Variants in MYCBPAP observed in about 807,000 individuals in gnomAD.
MYCBPAP encodes the protein MYCBP associated protein.
A neutral mutation model predicts 106.1 loss-of-function variants in MYCBPAP; 60 were observed. That is an observed-to-expected ratio of 0.57 (90% CI 0.46 to 0.70). MYCBPAP has a LOEUF of 0.70. Among genes scored for constraint, MYCBPAP ranks in the 30% least tolerant of loss-of-function variants. The pLI, the probability that MYCBPAP is intolerant of heterozygous loss-of-function variation, is 0.00. For missense variants in MYCBPAP, 1,064 were observed against 1,169.3 expected (o/e 0.91, Z 1.31); for synonymous variants, 407 against 440.6 (o/e 0.92, Z 0.95).
chr17:50,518,399 C>T, intron 4 of MYCBPAP, 142 bp from the exon 5 acceptor site: 2 of 627,784 alleles, frequency 3.2e-6, no homozygotes, highest in Non-Finnish European at 5.1e-6. Context: ...TATTTTCTGT[C>T]ACTGGCTACT....
chr17:50,508,582 C>T lies in MYCBPAP; in HGVS notation c.-93C>T, dbSNP rs770658579. On this transcript the variant is annotated 5_prime_UTR_variant, in exon 1 of 19. The change creates a new upstream start codon in the 5' untranslated region. Coordinates refer to ENST00000323776, the MANE Select transcript of MYCBPAP (RefSeq NM_032133.6). ...CGCGCGGGGCACCGGTTGCTGTGGA[C>T]GCAGTGGCGGCCGTTGGCTGGCGGG... The T allele has an allele frequency of 2.6e-6, 4 of 1,553,626 alleles. No individual in the cohort carries two copies. The highest frequency in any genetic ancestry group is 3.5e-6 in the Non-Finnish European group (4 of 1,148,032).
chr17:50,526,100 T>A lies in MYCBPAP; in HGVS notation c.2002T>A (p.Ser668Thr), dbSNP rs1555621752. The A allele has an allele frequency of 6.2e-7, 1 of 1,613,830 alleles. No homozygotes were observed. Among genetic ancestry groups the A allele is most frequent in the Admixed American group, 1.7e-5 (1 of 60,008 alleles). ...PRPENEALRE[S>T]GSQKARVGTK... ...GCCTGAGAACGAGGCCCTCAGGGAA[T>A]CCGGGTCCCAGAAGGCCAGAGTGGG... The change falls in exon 14 of 19, where the codon TCC becomes ACC. Residue 668 changes from serine (S) to threonine (T), a missense_variant. Coordinates refer to ENST00000323776, the MANE Select transcript of MYCBPAP (RefSeq NM_032133.6).
intron 1 of MYCBPAP, among the ~76,000 whole-genome samples, chr17:50,512,516 T>C (rs2033891830): frequency 6.6e-6 from 1 of 152,200 alleles, no homozygotes; most frequent in Non-Finnish European, 1.5e-5. Context: ...TGGAGCCACC[T>C]CTGCAGCTGT....
chr17:50,514,153 T>C (rs942126549), intron 1 of MYCBPAP, among the ~76,000 whole-genome samples: 5 of 152,172 alleles, frequency 3.3e-5, no homozygotes, highest in African/African-American at 2.4e-5. Flanking sequence ...CCTCTCAAAG[T>C]GTTGGGATTA....
intron 15 of MYCBPAP, among the ~76,000 whole-genome samples, chr17:50,527,746 CT>C (rs1162946632): frequency 6.6e-6 from 1 of 152,210 alleles, no homozygotes; most frequent in Non-Finnish European, 1.5e-5. Context: ...TCACCCTCCC[CT>C]GTACCTGTTT....
rs1339492839 is a variant in MYCBPAP at position 50,523,703 on chromosome 17, A to G, written c.1554A>G (p.Leu518=). The G allele has an allele frequency of 6.2e-7, 1 of 1,614,114 alleles. No homozygotes were observed. The highest frequency in any genetic ancestry group is 1.1e-5 in the South Asian group (1 of 91,086). The stretch of plus-strand genomic sequence containing the variant: ...AGTTTCGAACCCATCCTACTCTATT[A>G]GGAGGTGCTATACTGCAGGTCAATC... ...FWEFRTHPTL[L]GGAILQVNLH... is the part of the protein sequence containing the mutation. Residue 518 remains leucine (L), a synonymous_variant, in exon 12 of 19, where the codon TTA becomes TTG. Coordinates refer to ENST00000323776, the MANE Select transcript of MYCBPAP (RefSeq NM_032133.6).
At chr17:50,526,982 T>C (rs1567895824) in intron 14 of MYCBPAP, among the ~76,000 whole-genome samples, 1 of 152,242 alleles carries the variant, frequency 6.6e-6, no homozygotes, top group Non-Finnish European at 1.5e-5. Context: ...CCCAAAGTGC[T>C]GGGATTATAG....
intron 13 of MYCBPAP, among the ~76,000 whole-genome samples, chr17:50,525,563 T>G (rs1350929825): frequency 6.6e-6 from 1 of 151,904 alleles, no homozygotes; most frequent in Non-Finnish European, 1.5e-5. Context: ...CATAGCTCAT[T>G]GTGACCTCAA....
intron 7 of MYCBPAP, 96 bp downstream of exon 7, chr17:50,519,883 C>G: frequency 7.3e-7 from 1 of 1,371,674 alleles, no homozygotes; most frequent in Non-Finnish European, 9.8e-7. Context: ...GTGAAACAGG[C>G]CCAGGGCCTG....
intron 10 of MYCBPAP, chr17:50,522,709 A>AAAAAAATATATATATATAT: frequency 1.0e-4 from 5 of 50,026 alleles, no homozygotes; most frequent in African/African-American, 4.8e-4. Flanking sequence ...AAAAAAAAAA[A>AAAAAAATATATATATATAT]ATATATATAT....
chr17:50,526,319 C>A, intron 14 of MYCBPAP, 52 bp downstream of exon 14: 1 of 1,516,282 alleles, frequency 6.6e-7, no homozygotes, highest in Non-Finnish European at 8.8e-7. Flanking sequence ...TGCCTCGAAC[C>A]AACAAGGGAG....
chr17:50,528,928 C>A, intron 17 of MYCBPAP, 88 bp downstream of exon 17: 1 of 1,595,298 alleles, frequency 6.3e-7, no homozygotes, highest in South Asian at 1.1e-5. Flanking sequence ...TGGGCATGTG[C>A]CCAGGCTCTC....
rs200850812 is a variant in MYCBPAP at position 50,525,035 on chromosome 17, C to A, written c.1782+12C>A. The A allele has an allele frequency of 1.2e-6, 2 of 1,608,294 alleles. No homozygotes were observed. The highest frequency in any genetic ancestry group is 1.7e-6 in the Non-Finnish European group (2 of 1,176,256). On this transcript the variant is annotated intron_variant, in intron 13 of 18. Transcript: ENST00000323776. ...ACAGAAATCCTCCGGTGAGGCCCAGCGCCAGCCCCTGCCCCCTCATGTGTG... is the reference window on the plus strand; with the variant it reads ...ACAGAAATCCTCCGGTGAGGCCCAGAGCCAGCCCCTGCCCCCTCATGTGTG...
chr17:50,530,420 G>A lies in MYCBPAP; in HGVS notation c.2725-907G>A, dbSNP rs141579807. On this transcript the variant is annotated intron_variant, in intron 18 of 18. Transcript: ENST00000323776. ...TGAGGCACAATAATCGCTTGAACCC[G>A]GGAAGTGGAGGTTGCAGTGAGCCGA... 30 of 180,078 alleles carry A rather than the reference G, an allele frequency of 1.7e-4. 1 individual carries two copies. In the East Asian group the frequency reaches 4.8e-3, roughly 29 times the overall value. 11.2% of individuals were successfully genotyped at this position (180,078 alleles called of 1,614,324 possible). A position where few individuals can be genotyped will look rare whatever the true frequency, so the allele number is the denominator to read the frequency against.
intron 12 of MYCBPAP, 142 bp from the exon 13 acceptor site, chr17:50,524,735 T>TGAGAGA (rs1023452414): frequency 6.1e-4 from 145 of 238,134 alleles, no homozygotes; most frequent in Middle Eastern, 1.0e-3. Flanking sequence ...TGTGTGTGTG[T>TGAGAGA]GTGAGAGAGA....
chr17:50,510,692 A>AT (rs56894700), intron 1 of MYCBPAP, among the ~76,000 whole-genome samples: 34,713 of 111,156 alleles, frequency 0.31, 8,088 homozygotes, highest in African/African-American at 0.59. Context: ...TGCCTGGCAA[A>AT]TTTTTTTTTT....
At chr17:50,515,556 T>A (rs1295668609) in intron 1 of MYCBPAP, among the ~76,000 whole-genome samples, 4 of 152,180 alleles carry the variant, frequency 2.6e-5, no homozygotes, top group African/African-American at 9.7e-5. Flanking sequence ...TCTAGTTCAG[T>A]TGTCCCAAAC....
In MYCBPAP at chr17:50,511,915, A is replaced by T. The variant is rs1294237728; in HGVS notation, c.76+3165A>T. On this transcript the variant is annotated intron_variant, in intron 1 of 18. Transcript: ENST00000323776. The stretch of plus-strand genomic sequence containing the variant: ...TCTGGCTCTCTTCATCTGATGAATC[A>T]TTCTGAAATGCACCTGTCATCAACT... Among the ~76,000 whole-genome samples, 3 of 152,040 alleles carry T rather than the reference A, an allele frequency of 2.0e-5. No individual in the cohort carries two copies. The East Asian group carries it at 5.8e-4, about 29-fold the overall frequency.
At chr17:50,511,838 T>C (rs2033860308) in intron 1 of MYCBPAP, among the ~76,000 whole-genome samples, 1 of 152,094 alleles carries the variant, frequency 6.6e-6, no homozygotes, top group Non-Finnish European at 1.5e-5. Flanking sequence ...AAATGATCCC[T>C]GGGGCTCTTC....
Sources: gnomAD v4.1 joint callset for allele counts (sites outside exome capture counted in the v4.1 genomes callset) on GRCh38, gnomAD v4.1.1 for gene constraint, MANE v1.5 for transcripts, NCBI Gene and HGNC (gene_info 2026-07-23, HGNC 2026-07-21) for gene names.